The following KMT2E variants were observed in gnomAD, a reference collection of about 807,000 sequenced individuals.
KMT2E encodes lysine methyltransferase 2E (inactive).
Under a neutral mutation model 184.6 loss-of-function variants are expected in KMT2E, and 30 were observed. That is an observed-to-expected ratio of 0.16 (90% confidence interval 0.12 to 0.22). KMT2E has a LOEUF of 0.22. Among genes scored for constraint, KMT2E ranks in the 10% least tolerant of loss-of-function variants. The probability of loss-of-function intolerance (pLI) is 1.00; values close to 1 mark genes in which losing one functional copy is unlikely to be tolerated. For missense variants in KMT2E, 2,023 were observed against 2,237.4 expected, an observed-to-expected ratio of 0.90 and a Z score of 1.93; for synonymous variants, 815 against 776.5, an observed-to-expected ratio of 1.05 and a Z score of -0.82.
chr7:105,051,181 T>TTTCCTTCC (rs1241198180), intron 3 of KMT2E, among the ~76,000 whole-genome samples: 2 of 149,672 alleles, frequency 1.3e-5, no homozygotes, highest in Non-Finnish European at 3.0e-5. Flanking sequence ...TCCTTCCTTT[T>TTTCCTTCC]TTCCTTCCTT....
At chr7:105,029,630 G>T (rs774237548) in intron 1 of KMT2E, among the ~76,000 whole-genome samples, 1 of 152,214 alleles carries the variant, frequency 6.6e-6, no homozygotes, top group Admixed American at 6.5e-5. Flanking sequence ...AGATTGGGTG[G>T]CTGGATATAA....
intron 13 of KMT2E, among the ~76,000 whole-genome samples, chr7:105,087,359 CTTTATA>C (rs200284353): frequency 0.056 from 8,195 of 147,174 alleles, 289 homozygotes; most frequent in Middle Eastern, 0.1. Flanking sequence ...AATGGCATCT[CTTTATA>C]TTAATATTTT....
intron 6 of KMT2E, among the ~76,000 whole-genome samples, chr7:105,071,264 T>C (rs11760317): frequency 0.31 from 47,356 of 151,908 alleles, 7,698 homozygotes; most frequent in Non-Finnish European, 0.36. Flanking sequence ...TTATTATAGA[T>C]AGAAGTGAGA....
chr7:105,059,716 T>C (rs1028187278), intron 3 of KMT2E, among the ~76,000 whole-genome samples: 3 of 152,178 alleles, frequency 2.0e-5, no homozygotes, highest in African/African-American at 7.2e-5. Context: ...AATACATATA[T>C]TTTCGGATTT....
chr7:105,090,611 CAT>C (rs1479685279), intron 14 of KMT2E, among the ~76,000 whole-genome samples: 2 of 152,148 alleles, frequency 1.3e-5, no homozygotes, highest in African/African-American at 4.8e-5. Flanking sequence ...TTTCTTTAAA[CAT>C]GTGGATGCTG....
In KMT2E at chr7:105,112,919, GCCA is replaced by G; in HGVS notation, c.5166_5168del (p.Pro1723del). The G allele has an allele frequency of 3.1e-6, 5 of 1,609,912 alleles. No homozygotes were observed. The highest frequency in any genetic ancestry group is 4.2e-6 in the Non-Finnish European group (5 of 1,178,474). On this transcript the variant is annotated inframe_deletion, in exon 27 of 27. Transcript: ENST00000311117. ...CAGCACCCCCACCACCCCCTCCGCC[GCCA>G]CCTTCCAGTGTTTTGGCTTCTGGGC...
rs376109884 is a variant in KMT2E, at chr7:105,083,831, T to C, written c.1358+2034T>C. On this transcript the variant is annotated intron_variant, in intron 13 of 26. Transcript: ENST00000311117. ...CTGAGAACTCATCTGCTGCCTCTTA[T>C]TCAGCAGAAGTGGCTTTACCTGTTA... 9.5e-4 allele frequency among the ~76,000 whole-genome samples: 145 copies of C among 152,344 alleles called. 1 individual carries two copies. Among genetic ancestry groups the C allele is most frequent in the African/African-American group, 3.4e-3 (140 of 41,578 alleles).
chr7:105,043,403 A>AT (rs1402962402), intron 3 of KMT2E, among the ~76,000 whole-genome samples: 1 of 150,610 alleles, frequency 6.6e-6, no homozygotes, highest in Non-Finnish European at 1.5e-5. Flanking sequence ...CGCCCGGCTA[A>AT]TTTTTTGTAT....
Position 105,076,066 on chromosome 7 carries a change from G to A in KMT2E, c.753G>A (p.Lys251=). The A allele has an allele frequency of 6.2e-7, 1 of 1,600,898 alleles. No individual in the cohort carries two copies. Residue 251 remains lysine (K), a synonymous_variant, in exon 9 of 27, where the codon AAG becomes AAA. Coordinates refer to ENST00000311117, the MANE Select transcript of KMT2E (RefSeq NM_182931.3). ...AGGCATTTCGTGAAGGATCTAGGAA[G>A]TCATCAAGAGTTAAGGTAAATACAT... is the stretch of plus-strand genomic sequence containing the variant. ...CKKAFREGSR[K]SSRVKGSAPE...
intron 6 of KMT2E, 68 bp from the exon 7 acceptor site, chr7:105,073,548 AAAG>A: frequency 1.1e-5 from 10 of 939,814 alleles, no homozygotes; most frequent in Non-Finnish European, 1.3e-5. Flanking sequence ...AATAAATTAA[AAAG>A]TTTATCACAT....
chr7:105,033,284 T>C (rs1795499774), intron 1 of KMT2E, among the ~76,000 whole-genome samples: 1 of 152,252 alleles, frequency 6.6e-6, no homozygotes, highest in African/African-American at 2.4e-5. Flanking sequence ...AAAAAGAGTT[T>C]GAAGCCCACA....
intron 3 of KMT2E, among the ~76,000 whole-genome samples, chr7:105,055,845 G>C (rs567679156): frequency 6.6e-6 from 1 of 151,840 alleles, no homozygotes; most frequent in South Asian, 2.1e-4. Flanking sequence ...GCATACCTCT[G>C]ATGGCACTAC....
At chr7:105,044,900 T>G (rs374112602) in intron 3 of KMT2E, among the ~76,000 whole-genome samples, 1 of 152,194 alleles carries the variant, frequency 6.6e-6, no homozygotes, top group African/African-American at 2.4e-5. Context: ...CTTACCACAC[T>G]ATTTGTTCTA....
chr7:105,101,405 T>C lies in KMT2E; in HGVS notation c.1723-20T>C, dbSNP rs766184367. The C allele has an allele frequency of 4.0e-6, 6 of 1,491,186 alleles. No homozygotes were observed. The highest frequency in any genetic ancestry group is 4.8e-5 in the Admixed American group (2 of 42,076). The allele number at this position is 1,491,186 out of a possible 1,614,324, so 92.4% of individuals were successfully genotyped here. A position where few individuals can be genotyped will look rare whatever the true frequency, so the allele number is the denominator to read the frequency against. On this transcript the variant is annotated intron_variant, in intron 15 of 26. Transcript: ENST00000311117. Reference sequence around the variant, plus strand: ...TGAGCATTGATATTTATGATGTCACTTAAAATTTAAATTTCATAGACAAGA... The same window carrying C: ...TGAGCATTGATATTTATGATGTCACCTAAAATTTAAATTTCATAGACAAGA...
At chr7:105,087,252 TCAA>T (rs1004043489) in intron 13 of KMT2E, among the ~76,000 whole-genome samples, 2 of 145,588 alleles carry the variant, frequency 1.4e-5, no homozygotes, top group African/African-American at 5.1e-5. Flanking sequence ...GAGATACCAT[TCAA>T]CATGAGCATA....
chr7:105,034,108 C>T (rs1265282463), intron 1 of KMT2E, among the ~76,000 whole-genome samples: 1 of 152,174 alleles, frequency 6.6e-6, no homozygotes, highest in Non-Finnish European at 1.5e-5. Flanking sequence ...AACCTTGCTT[C>T]ACTAGAAATT....
chr7:105,063,008 T>A (rs1197269240), intron 4 of KMT2E, among the ~76,000 whole-genome samples: 2 of 151,864 alleles, frequency 1.3e-5, no homozygotes, highest in African/African-American at 2.4e-5. Context: ...TTCTTTTTTT[T>A]TTTTTTAACA....
chr7:105,082,816 T>C (rs189446810), intron 13 of KMT2E, among the ~76,000 whole-genome samples: 1 of 152,218 alleles, frequency 6.6e-6, no homozygotes, highest in Non-Finnish European at 1.5e-5. Context: ...AGAGTCCATA[T>C]CATAAAAAAG....
At chr7:105,028,527 A>G (rs556943533) in intron 1 of KMT2E, among the ~76,000 whole-genome samples, 27 of 142,132 alleles carry the variant, frequency 1.9e-4, no homozygotes, top group Middle Eastern at 5.0e-3. Context: ...GGATGGTCTC[A>G]TTCACCCAGG....
Sources: gnomAD v4.1 joint callset for allele counts (sites outside exome capture counted in the v4.1 genomes callset) on GRCh38, gnomAD v4.1.1 for gene constraint, MANE v1.5 for transcripts, NCBI Gene and HGNC (gene_info 2026-07-23, HGNC 2026-07-21) for gene names.